SNX18: variants seen among roughly 807,000 people sequenced by gnomAD.
SNX18 encodes the protein sorting nexin 18.
In SNX18, 35 loss-of-function variants were observed where a neutral mutation model predicts 48.7. The ratio of observed to expected loss-of-function variants is 0.72; its 90% confidence interval spans 0.55 to 0.95. SNX18 has a LOEUF of 0.95. Ranked by LOEUF, SNX18 falls within the 40% of genes least tolerant of loss-of-function variation. The pLI, the probability that SNX18 is intolerant of heterozygous loss-of-function variation, is 0.00. For missense variants in SNX18, 824 were observed against 871.0 expected (o/e 0.95, Z 0.68); for synonymous variants, 492 against 384.7 (o/e 1.28, Z -3.26).
At chr5:54,639,379 C>T in the SNX18 span, among the ~76,000 whole-genome samples, 1 of 152,128 alleles carries the variant, frequency 6.6e-6, no homozygotes, top group Non-Finnish European at 1.5e-5. Flanking sequence ...TGTGGCTGAT[C>T]ACAATAGCTG....
the SNX18 span, among the ~76,000 whole-genome samples, chr5:54,594,377 G>A: frequency 6.6e-6 from 1 of 152,164 alleles, no homozygotes. Flanking sequence ...ACCCTTATGT[G>A]CAGAAAAGAG....
the SNX18 span, chr5:54,645,486 T>A: frequency 6.6e-6 from 1 of 152,250 alleles, no homozygotes; most frequent in Non-Finnish European, 1.5e-5. Flanking sequence ...TTGGAAGAGA[T>A]GTCACCTGAG....
chr5:54,625,721 G>A, the SNX18 span, among the ~76,000 whole-genome samples: 1 of 152,194 alleles, frequency 6.6e-6, no homozygotes, highest in African/African-American at 2.4e-5. Flanking sequence ...CTTGGAGGCT[G>A]TCTAGGGGAA....
At chr5:54,628,301 A>G in the SNX18 span, among the ~76,000 whole-genome samples, 1 of 152,136 alleles carries the variant, frequency 6.6e-6, no homozygotes, top group East Asian at 1.9e-4. Flanking sequence ...ATCTGCAGTG[A>G]CCCAGATCCA....
At chr5:54,614,171 C>T in the SNX18 span, among the ~76,000 whole-genome samples, 1 of 152,158 alleles carries the variant, frequency 6.6e-6, no homozygotes, top group African/African-American at 2.4e-5. Flanking sequence ...CCTGCCAGCC[C>T]ATTGGCCATC....
intron 1 of SNX18, among the ~76,000 whole-genome samples, chr5:54,537,885 G>T (rs1762386695): frequency 6.6e-6 from 1 of 152,200 alleles, no homozygotes; most frequent in Non-Finnish European, 1.5e-5. Context: ...CTTTAAAAAT[G>T]CTGTCATACT....
At chr5:54,566,745 C>G in the SNX18 span, among the ~76,000 whole-genome samples, 2 of 152,186 alleles carry the variant, frequency 1.3e-5, no homozygotes, top group Non-Finnish European at 2.9e-5. Flanking sequence ...ATGGCCACAC[C>G]TAACTGTAGG....
chr5:54,614,675 G>A, the SNX18 span, among the ~76,000 whole-genome samples: 1 of 152,172 alleles, frequency 6.6e-6, no homozygotes, highest in East Asian at 1.9e-4. Flanking sequence ...TTAGCCAGTC[G>A]TGGTGGTGTG....
At chr5:54,540,238 G>A (rs1046856034) in intron 1 of SNX18, among the ~76,000 whole-genome samples, 21 of 151,590 alleles carry the variant, frequency 1.4e-4, no homozygotes, top group Non-Finnish European at 3.1e-4. Flanking sequence ...TTGAGATAGG[G>A]TTTTACTCTG....
the SNX18 span, among the ~76,000 whole-genome samples, chr5:54,638,753 A>G: frequency 6.6e-6 from 1 of 152,176 alleles, no homozygotes; most frequent in Non-Finnish European, 1.5e-5. Flanking sequence ...ACCTGTATAG[A>G]TAAAGAAAAC....
chr5:54,550,677 G>A (rs556973629), downstream of SNX18, among the ~76,000 whole-genome samples: 5 of 152,232 alleles, frequency 3.3e-5, no homozygotes, highest in South Asian at 2.1e-4. Flanking sequence ...TCCGCCTCCC[G>A]GGTTCAAGTG....
the SNX18 span, among the ~76,000 whole-genome samples, chr5:54,572,780 T>A: frequency 0.023 from 332 of 14,142 alleles, no homozygotes; most frequent in Middle Eastern, 0.056. Flanking sequence ...ATATATTTTT[T>A]TTTTTTTTTT....
chr5:54,578,180 C>T, the SNX18 span, among the ~76,000 whole-genome samples: 1 of 152,202 alleles, frequency 6.6e-6, no homozygotes, highest in African/African-American at 2.4e-5. Flanking sequence ...GATCTGATGA[C>T]TTAATTTACT....
chr5:54,630,102 C>T, the SNX18 span, among the ~76,000 whole-genome samples: 1 of 152,156 alleles, frequency 6.6e-6, no homozygotes, highest in Admixed American at 6.5e-5. Context: ...ACAACACCTG[C>T]CAGCTTCTGA....
chr5:54,641,275 A>C, the SNX18 span, among the ~76,000 whole-genome samples: 5 of 152,162 alleles, frequency 3.3e-5, no homozygotes, highest in Admixed American at 3.3e-4. Flanking sequence ...TATCCTGATA[A>C]ATTTTTACAT....
chr5:54,529,592 C>T (rs1270423079), intron 1 of SNX18, among the ~76,000 whole-genome samples: 1 of 151,604 alleles, frequency 6.6e-6, no homozygotes, highest in Non-Finnish European at 1.5e-5. Flanking sequence ...GTACTTACTA[C>T]GTGATAGGCA....
the SNX18 span, among the ~76,000 whole-genome samples, chr5:54,562,905 C>G: frequency 7.9e-5 from 12 of 152,060 alleles, no homozygotes; most frequent in Non-Finnish European, 1.8e-4. Flanking sequence ...AGGTGGAAGA[C>G]AGGGATATTG....
the SNX18 span, among the ~76,000 whole-genome samples, chr5:54,608,216 T>C: frequency 1.1e-4 from 16 of 152,278 alleles, no homozygotes; most frequent in African/African-American, 3.8e-4. Flanking sequence ...GCCTTTCTGA[T>C]AGGTGTGTGG....
At chr5:54,631,062 C>T in the SNX18 span, among the ~76,000 whole-genome samples, 1 of 152,158 alleles carries the variant, frequency 6.6e-6, no homozygotes, top group Non-Finnish European at 1.5e-5. Flanking sequence ...ACCATAACAA[C>T]CCATGTCCCT....
Sources: gnomAD v4.1 joint callset for allele counts (sites outside exome capture counted in the v4.1 genomes callset) on GRCh38, gnomAD v4.1.1 for gene constraint, MANE v1.5 for transcripts, NCBI Gene and HGNC (gene_info 2026-07-23, HGNC 2026-07-21) for gene names.